TTC17: variants seen among roughly 807,000 people sequenced by gnomAD.
The protein encoded by TTC17 is tetratricopeptide repeat domain 17.
TTC17 carries 58 observed loss-of-function variants against 143.8 expected under a neutral mutation model. The observed-to-expected ratio is 0.40, with a 90% CI of 0.33 to 0.50. The LOEUF (loss-of-function observed/expected upper bound fraction) is 0.50. Among genes scored for constraint, TTC17 ranks in the 20% least tolerant of loss-of-function variants. The pLI is 0.49. For synonymous variants in TTC17, 501 were observed against 497.8 expected (o/e 1.01, Z -0.09); for missense variants, 1,273 against 1,392.5 (o/e 0.91, Z 1.37).
chr11:43,490,006 C>T (rs1948445024), intron 21 of TTC17: 1 of 334,116 alleles, frequency 3.0e-6, no homozygotes, highest in Non-Finnish European at 5.3e-6. Flanking sequence ...GACACTTAAG[C>T]TCTCTGAGTC....
chr11:43,434,714 G>C (rs764602964), intron 16 of TTC17, among the ~76,000 whole-genome samples: 5 of 152,158 alleles, frequency 3.3e-5, no homozygotes, highest in East Asian at 3.8e-4. Context: ...ATTCTTTGCT[G>C]TCTTGTATTT....
chr11:43,373,196 C>G (rs536108571), intron 1 of TTC17, among the ~76,000 whole-genome samples: 20 of 152,070 alleles, frequency 1.3e-4, no homozygotes, highest in African/African-American at 4.8e-4. Context: ...AAAAGATTTT[C>G]TTAGTATTAA....
chr11:43,359,135 T>G (rs752213040), intron 1 of TTC17, 22 bp downstream of exon 1: 1 of 1,563,580 alleles, frequency 6.4e-7, no homozygotes, highest in East Asian at 2.5e-5. Context: ...GGCGTCCCTC[T>G]TCTCCCGTGC....
chr11:43,375,334 G>T (rs909884132), intron 1 of TTC17, among the ~76,000 whole-genome samples: 3 of 152,102 alleles, frequency 2.0e-5, no homozygotes, highest in East Asian at 1.9e-4. Context: ...CCACAGGGGG[G>T]ACTTATGGAT....
rs569132176 is a variant in TTC17 at position 43,374,310 on chromosome 11, C to T, written c.160-4923C>T. On this transcript the variant is annotated intron_variant, in intron 1 of 23. Transcript: ENST00000039989. ...AAAGACTTAAATGTAAGAAATAAAA[C>T]TACAAAAATCCTAGCAGAAAACCCA... 7.2e-5 allele frequency among the ~76,000 whole-genome samples: 11 copies of T among 152,176 alleles called. No individual in the cohort carries two copies. In the South Asian group the frequency reaches 2.3e-3, roughly 32 times the overall value.
intron 2 of TTC17, among the ~76,000 whole-genome samples, chr11:43,387,724 A>G (rs1029926001): frequency 2.0e-5 from 3 of 151,714 alleles, no homozygotes; most frequent in East Asian, 3.9e-4. Flanking sequence ...AACCTTTCCT[A>G]TAAAAGGGTC....
At chr11:43,460,670 C>T (rs1947848432) in intron 21 of TTC17, among the ~76,000 whole-genome samples, 1 of 152,204 alleles carries the variant, frequency 6.6e-6, no homozygotes, top group Admixed American at 6.5e-5. Context: ...CTCAGCTGGG[C>T]ATTTCTTCTG....
chr11:43,434,152 G>A (rs1041171157), intron 16 of TTC17, among the ~76,000 whole-genome samples: 1 of 145,602 alleles, frequency 6.9e-6, no homozygotes, highest in African/African-American at 2.6e-5. Flanking sequence ...TTTCCCATTA[G>A]CCCTCCATGG....
intron 21 of TTC17, among the ~76,000 whole-genome samples, chr11:43,462,395 G>A (rs1165540616): frequency 6.6e-6 from 1 of 152,206 alleles, no homozygotes; most frequent in Non-Finnish European, 1.5e-5. Flanking sequence ...TATAAAGAAG[G>A]AGACAGAGAC....
Position 43,397,950 on chromosome 11 carries a change from G to A in TTC17, c.919-24G>A, listed in dbSNP as rs1048476886. On this transcript the variant is annotated intron_variant, in intron 7 of 23. Coordinates refer to ENST00000039989, the MANE Select transcript of TTC17 (RefSeq NM_018259.6). The stretch of plus-strand genomic sequence containing the variant: ...TGTGTGTGTGTGTGTGTGTGTGTGT[G>A]TATGTTTGTTTTTGTCTCTTCAGAT... The A allele has an allele frequency of 6.2e-6, 9 of 1,453,762 alleles. No homozygotes were observed. In the East Asian group the frequency reaches 1.6e-4, roughly 26 times the overall value. 90.1% of individuals were successfully genotyped at this position (1,453,762 alleles called of 1,614,324 possible). A position where few individuals can be genotyped will look rare whatever the true frequency, so the allele number is the denominator to read the frequency against.
chr11:43,369,135 G>A (rs1365290000), intron 1 of TTC17, among the ~76,000 whole-genome samples: 1 of 152,152 alleles, frequency 6.6e-6, no homozygotes, highest in Non-Finnish European at 1.5e-5. Flanking sequence ...AGTTGCAAAT[G>A]TTCTACTTTA....
chr11:43,396,619 A>G (rs1590351651), intron 5 of TTC17, 90 bp from the exon 6 acceptor site: 1 of 629,656 alleles, frequency 1.6e-6, no homozygotes, highest in East Asian at 2.8e-5. Context: ...TGAATTTCAG[A>G]AGAGCCAGAA....
chr11:43,368,718 A>C (rs1447643369), intron 1 of TTC17, among the ~76,000 whole-genome samples: 1 of 152,212 alleles, frequency 6.6e-6, no homozygotes, highest in African/African-American at 2.4e-5. Flanking sequence ...TCCCTTTGGG[A>C]TAGGAGGGAA....
chr11:43,370,853 C>G (rs1163403784), intron 1 of TTC17, among the ~76,000 whole-genome samples: 1 of 152,148 alleles, frequency 6.6e-6, no homozygotes, highest in African/African-American at 2.4e-5. Context: ...GTTGTCCAGT[C>G]TGCAGTGCAG....
At chr11:43,455,556 T>G (rs1288763088) in intron 21 of TTC17, among the ~76,000 whole-genome samples, 2 of 152,074 alleles carry the variant, frequency 1.3e-5, no homozygotes, top group Non-Finnish European at 2.9e-5. Context: ...ATCAGACTAC[T>G]TTAACCAAAA....
At chr11:43,407,113 G>T in intron 13 of TTC17, 25 bp from the exon 14 acceptor site, 1 of 1,491,012 alleles carries the variant, frequency 6.7e-7, no homozygotes. Flanking sequence ...TTTCAATTGA[G>T]TCAGTCTTCC....
At chr11:43,487,768 G>T (rs1045620329) in intron 21 of TTC17, among the ~76,000 whole-genome samples, 1 of 152,186 alleles carries the variant, frequency 6.6e-6, no homozygotes, top group Admixed American at 6.5e-5. Flanking sequence ...TGGTCTGGGG[G>T]CTGGAAGCCT....
At chr11:43,379,997 A>C (rs1856904993) in intron 2 of TTC17, among the ~76,000 whole-genome samples, 1 of 152,192 alleles carries the variant, frequency 6.6e-6, no homozygotes. Context: ...CTAAATTGTA[A>C]ATAAACTGTA....
In TTC17 at chr11:43,399,999, C is replaced by T; in HGVS notation, c.1170C>T (p.Ile390=). 6.2e-7 allele frequency: 1 copy of T among 1,613,916 alleles called. No individual in the cohort carries two copies. The highest frequency in any genetic ancestry group is 1.1e-5 in the South Asian group (1 of 91,056). The change falls in exon 9 of 24, where the codon ATC becomes ATT. Residue 390 remains isoleucine (I), a synonymous_variant. Coordinates refer to ENST00000039989, the MANE Select transcript of TTC17 (RefSeq NM_018259.6). ...ATAAACTGATTCAGGAGGAGCAAAT[C>T]TTAAGAAATATCATTCATGAGACTC... is the stretch of plus-strand genomic sequence containing the variant. The part of the protein sequence containing the change: ...EKHKLIQEEQ[I]LRNIIHETQM...
Sources: allele counts gnomAD v4.1 joint callset (sites outside exome capture counted in the v4.1 genomes callset), GRCh38; gene constraint gnomAD v4.1.1; transcripts MANE v1.5; gene names NCBI Gene and HGNC (gene_info 2026-07-23, HGNC 2026-07-21).